Variants in ZNF519 observed in about 807,000 individuals in gnomAD.
The protein encoded by ZNF519 is zinc finger protein 519.
A neutral mutation model predicts 7.4 loss-of-function variants in ZNF519; 7 were observed. The observed-to-expected ratio is 0.94, with a 90% CI of 0.54 to 1.77. The LOEUF (loss-of-function observed/expected upper bound fraction) is 1.77. Among genes scored for constraint, ZNF519 ranks in the 40% most tolerant of loss-of-function variants. The probability of loss-of-function intolerance (pLI) is 0.00; values close to 1 mark genes in which losing one functional copy is unlikely to be tolerated. For synonymous variants in ZNF519, 179 were observed against 203.3 expected (o/e 0.88, Z 1.02); for missense variants, 586 against 623.1 (o/e 0.94, Z 0.63).
chr18:14,125,876 G>T (rs181419549), intron 1 of ZNF519, among the ~76,000 whole-genome samples: 4 of 152,030 alleles, frequency 2.6e-5, no homozygotes, highest in African/African-American at 9.7e-5. Flanking sequence ...AGTACAGCCG[G>T]GGTTTCATCA....
At position 14,101,338 on chromosome 18, in the gene ZNF519, T is replaced by A. The variant is rs2159941; in HGVS notation, c.*3579A>T. 0.99 allele frequency: 182,793 copies of A among 185,364 alleles called. 90,171 individuals are homozygous for A. Among genetic ancestry groups the A allele is most frequent in the Middle Eastern group, 1 (480 of 480 alleles). The allele number at this position is 185,364 out of a possible 1,614,324, so 11.5% of individuals were successfully genotyped here. A position where few individuals can be genotyped will look rare whatever the true frequency, so the allele number is the denominator to read the frequency against. ...ATTTAGGGCTGATTTATTTCCGCAC[T>A]CAGAGGGATAAAGGGGGGCCAATTA... is the stretch of plus-strand genomic sequence containing the variant. On this transcript the variant is annotated 3_prime_UTR_variant, in exon 3 of 3. Transcript: ENST00000590202.
At chr18:14,118,003 A>G (rs75240424) in intron 2 of ZNF519, among the ~76,000 whole-genome samples, 10,642 of 152,234 alleles carry the variant, frequency 0.07, 721 homozygotes, top group African/African-American at 0.16. Context: ...AAGTGAAAAA[A>G]CGCAAATGTT....
At chr18:14,073,750 A>T (rs759268855), downstream of ZNF519, 1 of 152,212 alleles carries the variant, frequency 6.6e-6, no homozygotes, top group Non-Finnish European at 1.5e-5. Flanking sequence ...TTGCTTTCAG[A>T]TATTTTACCA....
rs1316267433 is a variant in ZNF519 at position 14,106,086 on chromosome 18, A to G, written c.454T>C (p.Ser152Pro). Residue 152 changes from serine to proline, a missense_variant, in exon 3 of 3, where the codon TCT becomes CCT. By Grantham distance (74) the Ser-to-Pro change is moderately conservative. Coordinates refer to ENST00000590202, the MANE Select transcript of ZNF519 (RefSeq NM_145287.4). ...MNKYQHKFLK[S>P]VFCNKNQINF... ...ATCTGATTTTTATTACAAAAGACAG[A>G]TTTCAAAAATTTATGTTGATATTTA... is the stretch of plus-strand genomic sequence containing the variant. The G allele has an allele frequency of 6.2e-7, 1 of 1,605,292 alleles. No homozygotes were observed. Among genetic ancestry groups the G allele is most frequent in the East Asian group, 2.2e-5 (1 of 44,766 alleles).
Position 14,100,413 on chromosome 18 carries a change from CAACA to C in ZNF519, c.*4500_*4503del, listed in dbSNP as rs981348291. On this transcript the variant is annotated 3_prime_UTR_variant, in exon 3 of 3. Transcript: ENST00000590202. Reference sequence around the variant, plus strand: ...ATAATAGCCACACACTGACTGAAAACAACAAATATGTTCTTGAAAGAGTGAAGGG... The same window carrying C: ...ATAATAGCCACACACTGACTGAAAACAATATGTTCTTGAAAGAGTGAAGGG... 3 of 152,126 alleles carry C rather than the reference CAACA, an allele frequency of 2.0e-5. No homozygotes were observed. Among genetic ancestry groups the C allele is most frequent in the Admixed American group, 2.0e-4 (3 of 15,274 alleles). The allele number at this position is 152,126 out of a possible 1,614,324, so 9.4% of individuals were successfully genotyped here.
chr18:14,112,311 A>T (rs1323905826), intron 2 of ZNF519, among the ~76,000 whole-genome samples: 1 of 152,164 alleles, frequency 6.6e-6, no homozygotes, highest in African/African-American at 2.4e-5. Context: ...TAGAAGAAAC[A>T]TACCTCAACA....
chr18:14,107,096 C>T (rs1374303378), intron 2 of ZNF519, among the ~76,000 whole-genome samples: 1 of 152,122 alleles, frequency 6.6e-6, no homozygotes, highest in Non-Finnish European at 1.5e-5. Flanking sequence ...TTGGGGGCCA[C>T]ATTACCTACT....
At chr18:14,127,363 T>C (rs2046305643) in intron 1 of ZNF519, among the ~76,000 whole-genome samples, 1 of 152,168 alleles carries the variant, frequency 6.6e-6, no homozygotes, top group South Asian at 2.1e-4. Context: ...TCTGGCCCTG[T>C]CTTGTGAATC....
At position 14,105,132 on chromosome 18, in the gene ZNF519, T is replaced by C. The variant is rs773316712; in HGVS notation, c.1408A>G (p.Ile470Val). 3.1e-6 allele frequency: 5 copies of C among 1,613,730 alleles called. No individual in the cohort carries two copies. The highest frequency in any genetic ancestry group is 4.2e-6 in the Non-Finnish European group (5 of 1,179,906). ...TGTTGAGTAAGGTGTGAGCCCCAGATAAAAGCTTTGCCACATTCTTCACAT... is the reference window on the plus strand; with the variant it reads ...TGTTGAGTAAGGTGTGAGCCCCAGACAAAAGCTTTGCCACATTCTTCACAT... ...FKCEECGKAF[I>V]WGSHLTQHQR... The change falls in exon 3 of 3, where the codon ATC (isoleucine) becomes GTC (valine). Residue 470 changes from isoleucine to valine, a missense_variant. Ile to Val is a conservative substitution (Grantham distance 29). Transcript: ENST00000590202.
At chr18:14,124,580 A>G in intron 1 of ZNF519, 104 bp from the exon 2 acceptor site, 3 of 1,387,206 alleles carry the variant, frequency 2.2e-6, no homozygotes, top group Non-Finnish European at 3.0e-6. Flanking sequence ...ATTATCTGAT[A>G]AAATAACTTT....
chr18:14,131,950 G>T (rs990994403), intron 1 of ZNF519, among the ~76,000 whole-genome samples: 1 of 152,208 alleles, frequency 6.6e-6, no homozygotes, highest in African/African-American at 2.4e-5. Flanking sequence ...GGTAAGGTAG[G>T]GACGGGGGAC....
intron 2 of ZNF519, chr18:14,122,659 C>T (rs1020417870): frequency 2.0e-5 from 3 of 151,998 alleles, no homozygotes; most frequent in African/African-American, 4.8e-5. Flanking sequence ...GAAGATGTCC[C>T]TATCTGTGAA....
chr18:14,101,695 A>G lies in ZNF519; in HGVS notation c.*3222T>C. 1 of 398,768 alleles carries G rather than the reference A, an allele frequency of 2.5e-6. No homozygotes were observed. Among genetic ancestry groups the G allele is most frequent in the South Asian group, 1.3e-4 (1 of 7,858 alleles). The allele number at this position is 398,768 out of a possible 1,614,324, so 24.7% of individuals were successfully genotyped here. On this transcript the variant is annotated 3_prime_UTR_variant, in exon 3 of 3. Transcript: ENST00000590202. ...CACCCCAATCGAGGCAGGAATGGCC[A>G]TGACAGCATGGTACACCTGCCCCTC...
At chr18:14,111,124 A>G (rs1381323299) in intron 2 of ZNF519, among the ~76,000 whole-genome samples, 1 of 151,808 alleles carries the variant, frequency 6.6e-6, no homozygotes, top group African/African-American at 2.4e-5. Context: ...AATGAATTTG[A>G]AATAAATAAA....
intron 2 of ZNF519, among the ~76,000 whole-genome samples, chr18:14,123,472 A>C (rs902620897): frequency 6.6e-6 from 1 of 152,122 alleles, no homozygotes; most frequent in Non-Finnish European, 1.5e-5. Context: ...TAATCTCAAT[A>C]CTTTGAGAGG....
rs947387896 is a variant in ZNF519 at position 14,100,212 on chromosome 18, G to T, written c.*4705C>A. On this transcript the variant is annotated 3_prime_UTR_variant, in exon 3 of 3. Transcript: ENST00000590202. Reference sequence around the variant, plus strand: ...GGATTTGAAAAAACAGAAATTCATTGATGATGGGAATGTAAAATGATAGTC... The same window carrying T: ...GGATTTGAAAAAACAGAAATTCATTTATGATGGGAATGTAAAATGATAGTC... The T allele has an allele frequency of 6.6e-6, 1 of 152,134 alleles. No homozygotes were observed. The highest frequency in any genetic ancestry group is 2.4e-5 in the African/African-American group (1 of 41,438). The allele number at this position is 152,134 out of a possible 1,614,324, so 9.4% of individuals were successfully genotyped here. A position where few individuals can be genotyped will look rare whatever the true frequency, so the allele number is the denominator to read the frequency against.
intron 2 of ZNF519, among the ~76,000 whole-genome samples, chr18:14,120,440 C>T (rs1170477408): frequency 6.6e-6 from 1 of 151,972 alleles, no homozygotes. Flanking sequence ...CCTTAAAACT[C>T]CTGAAGAAAA....
intron 1 of ZNF519, among the ~76,000 whole-genome samples, chr18:14,132,035 T>C (rs1337135911): frequency 6.6e-6 from 1 of 152,098 alleles, no homozygotes; most frequent in African/African-American, 2.4e-5. Context: ...TTTCGCCTCA[T>C]CACCTCACAA....
At chr18:14,091,809 C>T (rs949527542) in intron 2 of ZNF519, among the ~76,000 whole-genome samples, 1 of 151,968 alleles carries the variant, frequency 6.6e-6, no homozygotes, top group Admixed American at 6.6e-5. Flanking sequence ...GATCACACAC[C>T]TGAGCAGTGA....
Sources: gnomAD v4.1 joint callset for allele counts (sites outside exome capture counted in the v4.1 genomes callset) on GRCh38, gnomAD v4.1.1 for gene constraint, MANE v1.5 for transcripts, NCBI Gene and HGNC (gene_info 2026-07-23, HGNC 2026-07-21) for gene names.